Variants in XKR6 observed in about 807,000 individuals in gnomAD.
XKR6 encodes XK-related protein 6.
XKR6 carries 22 observed loss-of-function variants against 56.7 expected under a neutral mutation model. The observed-to-expected ratio is 0.39, with a 90% CI of 0.28 to 0.55. XKR6 has a LOEUF of 0.55. Ranked by LOEUF, XKR6 falls within the 20% of genes least tolerant of loss-of-function variation. XKR6 has a pLI of 0.66. For missense variants in XKR6, 852 were observed against 889.0 expected (o/e 0.96, Z 0.53); for synonymous variants, 524 against 387.8 (o/e 1.35, Z -4.13).
intron 1 of XKR6, among the ~76,000 whole-genome samples, chr8:11,135,987 T>A (rs1211358070): frequency 6.6e-6 from 1 of 152,224 alleles, no homozygotes; most frequent in Non-Finnish European, 1.5e-5. Flanking sequence ...TACCAGTGTT[T>A]CAACAATTCT....
At chr8:11,113,609 C>A (rs745869491) in intron 1 of XKR6, among the ~76,000 whole-genome samples, 11 of 152,148 alleles carry the variant, frequency 7.2e-5, no homozygotes, top group Non-Finnish European at 1.3e-4. Flanking sequence ...ACTTTCTAGT[C>A]TAAAAACCTG....
chr8:11,031,438 G>A (rs2129152070), intron 1 of XKR6, among the ~76,000 whole-genome samples: 1 of 152,348 alleles, frequency 6.6e-6, no homozygotes, highest in East Asian at 1.9e-4. Flanking sequence ...CACTGGAGGT[G>A]CAAAGACAAG....
intron 1 of XKR6, among the ~76,000 whole-genome samples, chr8:10,950,385 C>T (rs985290397): frequency 6.6e-6 from 1 of 152,214 alleles, no homozygotes; most frequent in African/African-American, 2.4e-5. Flanking sequence ...AGTGCACACC[C>T]TCCCTGTGCC....
chr8:11,016,294 G>A (rs913693752), intron 1 of XKR6, among the ~76,000 whole-genome samples: 1 of 152,172 alleles, frequency 6.6e-6, no homozygotes, highest in African/African-American at 2.4e-5. Context: ...GATGGGGAGG[G>A]TCTGGGCTCC....
intron 1 of XKR6, among the ~76,000 whole-genome samples, chr8:11,022,767 C>G (rs1798775676): frequency 6.6e-6 from 1 of 152,320 alleles, no homozygotes; most frequent in South Asian, 2.1e-4. Context: ...ATTTTTAAAG[C>G]TGGGTCTTTT....
chr8:11,061,087 C>A (rs1018581499), intron 1 of XKR6, among the ~76,000 whole-genome samples: 2 of 152,214 alleles, frequency 1.3e-5, no homozygotes, highest in African/African-American at 2.4e-5. Flanking sequence ...GATGAAACAG[C>A]TGGGACACAG....
At chr8:11,020,800 G>A (rs1356594401) in intron 1 of XKR6, among the ~76,000 whole-genome samples, 1 of 152,166 alleles carries the variant, frequency 6.6e-6, no homozygotes, top group Admixed American at 6.5e-5. Flanking sequence ...AACTTGCTGT[G>A]TGCACTTGGG....
chr8:11,110,010 T>C (rs902571436), intron 1 of XKR6, among the ~76,000 whole-genome samples: 1 of 152,210 alleles, frequency 6.6e-6, no homozygotes, highest in African/African-American at 2.4e-5. Context: ...TCTTACTCTG[T>C]CGCCCAGGCT....
At chr8:11,018,982 T>C (rs904955809) in intron 1 of XKR6, among the ~76,000 whole-genome samples, 10 of 152,112 alleles carry the variant, frequency 6.6e-5, no homozygotes, top group Non-Finnish European at 1.2e-4. Context: ...CCTAGCTCCG[T>C]GTTCACTTCC....
At chr8:10,993,766 C>A (rs1464063634) in intron 1 of XKR6, among the ~76,000 whole-genome samples, 2 of 152,208 alleles carry the variant, frequency 1.3e-5, no homozygotes, top group Non-Finnish European at 2.9e-5. Context: ...CCTCTGTGGT[C>A]CTTTAGAATA....
chr8:10,918,098 T>C (rs1435863456), intron 2 of XKR6, among the ~76,000 whole-genome samples: 1 of 152,178 alleles, frequency 6.6e-6, no homozygotes. Flanking sequence ...GGATAAGCTT[T>C]TTTGACCTCT....
At chr8:11,157,310 A>G (rs1383774581) in intron 1 of XKR6, among the ~76,000 whole-genome samples, 1 of 152,194 alleles carries the variant, frequency 6.6e-6, no homozygotes, top group Non-Finnish European at 1.5e-5. Context: ...AAATCCAAAT[A>G]AAGCCTGGGG....
intron 1 of XKR6, among the ~76,000 whole-genome samples, chr8:10,957,743 C>A (rs1251665622): frequency 6.6e-6 from 1 of 152,156 alleles, no homozygotes; most frequent in African/African-American, 2.4e-5. Flanking sequence ...GACCTCTCCT[C>A]ATCCCAGGAT....
chr8:11,056,124 G>A (rs926418789), intron 1 of XKR6, among the ~76,000 whole-genome samples: 11 of 152,140 alleles, frequency 7.2e-5, no homozygotes, highest in Non-Finnish European at 1.5e-4. Context: ...CAGTGCTGCT[G>A]GGGCTGGGGA....
At chr8:11,123,009 G>A (rs567442390) in intron 1 of XKR6, among the ~76,000 whole-genome samples, 25 of 152,016 alleles carry the variant, frequency 1.6e-4, no homozygotes, top group Non-Finnish European at 2.8e-4. Context: ...GGCCGAGGTG[G>A]GTGGATCACC....
At chr8:10,938,957 G>C (rs1443933689) in intron 1 of XKR6, among the ~76,000 whole-genome samples, 1 of 152,158 alleles carries the variant, frequency 6.6e-6, no homozygotes, top group Non-Finnish European at 1.5e-5. Context: ...TCCCATTAGA[G>C]GCCCATAAAA....
rs1342240833 is a variant in XKR6 at position 10,912,464 on chromosome 8, TATAGAG to T, written c.961+12164_961+12169del. On this transcript the variant is annotated intron_variant, in intron 2 of 2. Transcript: ENST00000416569. ...AGGTGAGTGTATATATATATATATA[TATAGAG>T]AGAGAGAGAGAGAGAGAGACAGGGT... 5.1e-3 allele frequency among the ~76,000 whole-genome samples: 580 copies of T among 114,192 alleles called. 7 individuals carry two copies. Among genetic ancestry groups the T allele is most frequent in the African/African-American group, 0.018 (512 of 28,588 alleles). 74.9% of individuals were successfully genotyped at this position (114,192 alleles called of 152,430 possible).
intron 1 of XKR6, among the ~76,000 whole-genome samples, chr8:10,931,954 G>T (rs749881206): frequency 8.5e-5 from 13 of 152,116 alleles, no homozygotes; most frequent in Non-Finnish European, 1.9e-4. Context: ...ATCAGACAAA[G>T]AACTTGTAGC....
chr8:10,967,887 A>C (rs962768921), intron 1 of XKR6, among the ~76,000 whole-genome samples: 4 of 152,110 alleles, frequency 2.6e-5, no homozygotes, highest in Admixed American at 2.6e-4. Context: ...TGCGCTAGAG[A>C]GCAGGAGGAC....
Sources: allele counts gnomAD v4.1 joint callset (sites outside exome capture counted in the v4.1 genomes callset), GRCh38; gene constraint gnomAD v4.1.1; transcripts MANE v1.5; gene names NCBI Gene and HGNC (gene_info 2026-07-23, HGNC 2026-07-21).